The following SMOC1 variants were observed in gnomAD, a reference collection of about 807,000 sequenced individuals.
SMOC1 encodes the protein SPARC related modular calcium binding 1.
In SMOC1, 22 loss-of-function variants were observed where a neutral mutation model predicts 56.3. The ratio of observed to expected loss-of-function variants is 0.39; its 90% CI spans 0.28 to 0.56. The LOEUF (loss-of-function observed/expected upper bound fraction) is 0.56, where lower values mean the gene tolerates loss of function less well. SMOC1 is among the 20% of genes least tolerant of loss of function. SMOC1 has a pLI of 0.61. For missense variants in SMOC1, 509 were observed against 565.4 expected (o/e 0.90, Z 1.01); for synonymous variants, 193 against 215.0 (o/e 0.90, Z 0.89).
chr14:69,919,917 C>CG (rs1048629415), intron 1 of SMOC1, among the ~76,000 whole-genome samples: 5 of 150,320 alleles, frequency 3.3e-5, no homozygotes, highest in Non-Finnish European at 7.4e-5. Flanking sequence ...AATACCCCCC[C>CG]CCCCCTTTCT....
At chr14:69,930,553 G>C (rs1020090200) in intron 1 of SMOC1, among the ~76,000 whole-genome samples, 2 of 152,166 alleles carry the variant, frequency 1.3e-5, no homozygotes, top group African/African-American at 4.8e-5. Flanking sequence ...ACTTTTTCTG[G>C]GTAAGTGATG....
chr14:69,883,715 T>C (rs1883709173), intron 1 of SMOC1, among the ~76,000 whole-genome samples: 2 of 152,276 alleles, frequency 1.3e-5, no homozygotes, highest in East Asian at 3.9e-4. Flanking sequence ...CTGTTTCTCA[T>C]GATGGCTGTA....
chr14:69,908,959 CTCT>C (rs1352197490), intron 1 of SMOC1, among the ~76,000 whole-genome samples: 4 of 152,206 alleles, frequency 2.6e-5, no homozygotes, highest in East Asian at 3.9e-4. Context: ...AAATGTCCCT[CTCT>C]TCTTCTTCTC....
At chr14:69,990,420 C>T (rs1401938944) in intron 5 of SMOC1, among the ~76,000 whole-genome samples, 1 of 152,192 alleles carries the variant, frequency 6.6e-6, no homozygotes, top group Admixed American at 6.5e-5. Flanking sequence ...TTTGATTTTT[C>T]ACTTTCCCTT....
chr14:69,960,475 G>A (rs1206569434), intron 3 of SMOC1, among the ~76,000 whole-genome samples: 2 of 151,994 alleles, frequency 1.3e-5, no homozygotes, highest in African/African-American at 2.4e-5. Context: ...GACAATGCCA[G>A]CTTTTTTTTT....
intron 5 of SMOC1, among the ~76,000 whole-genome samples, chr14:69,985,398 T>G (rs1378967100): frequency 6.6e-6 from 1 of 152,166 alleles, no homozygotes; most frequent in East Asian, 1.9e-4. Context: ...TCCTGAGCAT[T>G]TATTCCAGAG....
intron 2 of SMOC1, among the ~76,000 whole-genome samples, chr14:69,953,092 C>T (rs1883061987): frequency 6.6e-6 from 1 of 152,124 alleles, no homozygotes; most frequent in East Asian, 1.9e-4. Flanking sequence ...ATGGTTGAGC[C>T]CCTGTTAGGC....
chr14:69,908,087 A>G (rs563888549), intron 1 of SMOC1, among the ~76,000 whole-genome samples: 1 of 152,378 alleles, frequency 6.6e-6, no homozygotes, highest in South Asian at 2.1e-4. Flanking sequence ...ACAAAAATCT[A>G]TAAAAATGGT....
intron 10 of SMOC1, among the ~76,000 whole-genome samples, chr14:70,014,634 C>G (rs947424044): frequency 2.6e-5 from 4 of 152,146 alleles, no homozygotes. Context: ...TGCTCATGCT[C>G]ATGAAGCCAG....
At chr14:70,011,791 C>T (rs114400653) in intron 9 of SMOC1, among the ~76,000 whole-genome samples, 186 of 152,328 alleles carry the variant, frequency 1.2e-3, no homozygotes, top group African/African-American at 4.4e-3. Context: ...ATGCAGTCAT[C>T]GGGTTAAAAT....
Position 69,960,782 on chromosome 14 carries a change from T to C in SMOC1, c.378+7250T>C, listed in dbSNP as rs1048715571. Among the ~76,000 whole-genome samples the C allele has an allele frequency of 2.0e-5, 3 of 149,762 alleles. No homozygotes were observed. In the Admixed American group the frequency reaches 2.0e-4, roughly 10 times the overall value. On this transcript the variant is annotated intron_variant, in intron 3 of 11. Transcript: ENST00000361956. Reference sequence around the variant, plus strand: ...ATAATTGTTGCTTAGCAGATGTTAGTTTTCTTCATCTTTAGGTTCTTGGTT... The same window carrying C: ...ATAATTGTTGCTTAGCAGATGTTAGCTTTCTTCATCTTTAGGTTCTTGGTT...
intron 5 of SMOC1, among the ~76,000 whole-genome samples, chr14:69,988,230 G>A (rs991270652): frequency 8.7e-5 from 13 of 148,800 alleles, no homozygotes; most frequent in African/African-American, 3.2e-4. Context: ...TTGTTTTCAT[G>A]TTTCCAAATT....
At chr14:69,911,384 G>A (rs1884552156) in intron 1 of SMOC1, among the ~76,000 whole-genome samples, 1 of 152,180 alleles carries the variant, frequency 6.6e-6, no homozygotes, top group Admixed American at 6.5e-5. Flanking sequence ...TACAGTAAAT[G>A]CAACACAGTT....
chr14:69,931,611 G>A (rs953101855), intron 1 of SMOC1, among the ~76,000 whole-genome samples: 2 of 152,224 alleles, frequency 1.3e-5, no homozygotes, highest in Admixed American at 6.5e-5. Flanking sequence ...AAGGGATTTA[G>A]GTTGGATTTA....
At chr14:69,990,924 C>A (rs892967149) in intron 5 of SMOC1, among the ~76,000 whole-genome samples, 1 of 152,158 alleles carries the variant, frequency 6.6e-6, no homozygotes, top group African/African-American at 2.4e-5. Context: ...GCCTCAGCCT[C>A]TAACAAGGGT....
At chr14:69,947,461 T>A (rs760105388) in intron 1 of SMOC1, among the ~76,000 whole-genome samples, 9 of 152,198 alleles carry the variant, frequency 5.9e-5, no homozygotes, top group Non-Finnish European at 1.2e-4. Flanking sequence ...TGAACCCCCA[T>A]GCCTGGCCTC....
rs963436949 is a variant in SMOC1 at position 69,952,022 on chromosome 14, T to G, written c.100-116T>G. On this transcript the variant is annotated intron_variant, in intron 1 of 11. Transcript: ENST00000361956. Reference sequence around the variant, plus strand: ...CGTTCCCTTCACCTTTAGGGTTTTATTTGGGTTTATTAGGGACTTACTTTC... The same window carrying G: ...CGTTCCCTTCACCTTTAGGGTTTTAGTTGGGTTTATTAGGGACTTACTTTC... 5.8e-6 allele frequency: 7 copies of G among 1,204,138 alleles called. No individual in the cohort carries two copies. In the Middle Eastern group the frequency reaches 5.6e-4, roughly 96 times the overall value. 74.6% of individuals were successfully genotyped at this position (1,204,138 alleles called of 1,614,324 possible).
At position 69,973,684 on chromosome 14, in the gene SMOC1, CT is replaced by C. The variant is rs988139065; in HGVS notation, c.379-2030del. Among the ~76,000 whole-genome samples the C allele has an allele frequency of 3.9e-5, 6 of 152,318 alleles. No homozygotes were observed. In the East Asian group the frequency reaches 7.7e-4, roughly 20 times the overall value. ...CTTCGTGGTAGGAACAAGGTTCCCCCTATCTTGTCTTATCCTTGATTTCTGT... is the reference window on the plus strand; with the variant it reads ...CTTCGTGGTAGGAACAAGGTTCCCCCATCTTGTCTTATCCTTGATTTCTGT... On this transcript the variant is annotated intron_variant, in intron 3 of 11. Coordinates refer to ENST00000361956, the MANE Select transcript of SMOC1 (RefSeq NM_001034852.3).
rs371162934 is a variant in SMOC1 at position 69,925,830 on chromosome 14, A to G, written c.100-26308A>G. On this transcript the variant is annotated intron_variant, in intron 1 of 11. Coordinates refer to ENST00000361956, the MANE Select transcript of SMOC1 (RefSeq NM_001034852.3). ...TAGGTTAGAGGTTGTTCTTTTTCCAATTTTCTTATCAGAATGGGCAGAGCA... is the reference window on the plus strand; with the variant it reads ...TAGGTTAGAGGTTGTTCTTTTTCCAGTTTTCTTATCAGAATGGGCAGAGCA... Among the ~76,000 whole-genome samples, 82 of 152,130 alleles carry G rather than the reference A, an allele frequency of 5.4e-4. 1 individual carries two copies. The highest frequency in any genetic ancestry group is 1.0e-3 in the South Asian group (5 of 4,828).
Sources: allele counts gnomAD v4.1 joint callset (sites outside exome capture counted in the v4.1 genomes callset), GRCh38; gene constraint gnomAD v4.1.1; transcripts MANE v1.5; gene names NCBI Gene and HGNC (gene_info 2026-07-23, HGNC 2026-07-21).